The following PCDH15 variants were observed in gnomAD, a reference collection of about 807,000 sequenced individuals.
PCDH15 encodes the protein protocadherin-15.
In PCDH15, 129 loss-of-function variants were observed where a neutral mutation model predicts 178.5. The observed-to-expected ratio is 0.72, with a 90% CI of 0.63 to 0.84. The LOEUF is 0.84. Among genes scored for constraint, PCDH15 ranks in the 40% least tolerant of loss-of-function variants. The pLI is 0.00. For missense variants in PCDH15, 2,230 were observed against 2,099.9 expected (o/e 1.06, Z -1.21); for synonymous variants, 800 against 732.0 (o/e 1.09, Z -1.50).
chr10:54,727,908 G>A (rs574113600), intron 1 of PCDH15, among the ~76,000 whole-genome samples: 1 of 151,366 alleles, frequency 6.6e-6, no homozygotes, highest in Admixed American at 6.6e-5. Flanking sequence ...CCTGAATACA[G>A]CATTAATGAG....
intron 1 of PCDH15, among the ~76,000 whole-genome samples, chr10:55,277,857 C>A (rs1263365136): frequency 6.6e-6 from 1 of 151,992 alleles, no homozygotes; most frequent in Non-Finnish European, 1.5e-5. Flanking sequence ...GGACAAATTA[C>A]CACATTTTAA....
At position 54,979,668 on chromosome 10, in the gene PCDH15, C is replaced by CAA. The variant is rs57794335; in HGVS notation, c.-79-82170_-79-82169dup. Among the ~76,000 whole-genome samples, 131 of 108,492 alleles carry CAA rather than the reference C, an allele frequency of 1.2e-3. 1 individual carries two copies. Among genetic ancestry groups the CAA allele is most frequent in the South Asian group, 4.2e-3 (15 of 3,556 alleles). 71.2% of individuals were successfully genotyped at this position (108,492 alleles called of 152,430 possible). A position where few individuals can be genotyped will look rare whatever the true frequency, so the allele number is the denominator to read the frequency against. ...TGGGTGACAGAGTGAGACTGTGTCTCAAAAAAAAAAAAAAAAAACCAGAAT... is the reference window on the plus strand; with the variant it reads ...TGGGTGACAGAGTGAGACTGTGTCTCAAAAAAAAAAAAAAAAAAAACCAGAAT... On this transcript the variant is annotated intron_variant, in intron 2 of 5. Transcript: ENST00000458638.
chr10:53,950,295 T>TTA (rs1218118086), intron 23 of PCDH15, among the ~76,000 whole-genome samples: 1 of 152,126 alleles, frequency 6.6e-6, no homozygotes, highest in East Asian at 1.9e-4. Flanking sequence ...CCTTATTTTA[T>TTA]TATATATATA....
intron 1 of PCDH15, among the ~76,000 whole-genome samples, chr10:54,795,753 C>T (rs950788103): frequency 2.6e-5 from 4 of 151,840 alleles, no homozygotes; most frequent in Admixed American, 1.3e-4. Flanking sequence ...TATTAAATTA[C>T]TCACTATATT....
intron 8 of PCDH15, among the ~76,000 whole-genome samples, chr10:54,247,612 G>A (rs1368454148): frequency 6.6e-6 from 1 of 151,872 alleles, no homozygotes; most frequent in Non-Finnish European, 1.5e-5. Context: ...TACACATATA[G>A]GGGCTCACAG....
At chr10:54,344,249 T>C (rs1942815882) in intron 6 of PCDH15, among the ~76,000 whole-genome samples, 2 of 152,296 alleles carry the variant, frequency 1.3e-5, no homozygotes, top group South Asian at 2.1e-4. Flanking sequence ...CTAAAACATA[T>C]ATTATTTATT....
intron 3 of PCDH15, among the ~76,000 whole-genome samples, chr10:54,387,735 A>G (rs555020222): frequency 6.6e-6 from 1 of 152,284 alleles, no homozygotes; most frequent in South Asian, 2.1e-4. Flanking sequence ...TCCCTGCTAT[A>G]TAAACCCCTA....
chr10:54,389,824 C>T (rs569685404), intron 3 of PCDH15, among the ~76,000 whole-genome samples: 38 of 150,584 alleles, frequency 2.5e-4, no homozygotes, highest in Middle Eastern at 7.0e-3. Context: ...TGGTGGTGGG[C>T]GCCTGTAATC....
At chr10:55,035,290 T>C (rs1840707659) in intron 2 of PCDH15, among the ~76,000 whole-genome samples, 2 of 152,176 alleles carry the variant, frequency 1.3e-5, no homozygotes, top group Non-Finnish European at 2.9e-5. Flanking sequence ...CATTCTCTGC[T>C]TGAAGGATAA....
At chr10:54,043,289 C>A (rs576712903) in intron 18 of PCDH15, among the ~76,000 whole-genome samples, 18 of 152,224 alleles carry the variant, frequency 1.2e-4, no homozygotes, top group Admixed American at 3.9e-4. Flanking sequence ...CAATGACCTC[C>A]ATTAGCACGT....
At chr10:54,617,659 C>T (rs1016427346) in intron 2 of PCDH15, among the ~76,000 whole-genome samples, 6 of 149,694 alleles carry the variant, frequency 4.0e-5, no homozygotes, top group Admixed American at 1.4e-4. Context: ...AGGCCAGGCA[C>T]GGTGGCTCAT....
At position 54,851,376 on chromosome 10, in the gene PCDH15, T is replaced by G. The variant is rs375318385; in HGVS notation, c.-29+46074A>C. ...AATAAATATTATAGTAAATTTTGAC[T>G]ACTAATTACTATAAATTATTAATAA... On this transcript the variant is annotated intron_variant, in intron 3 of 5. Coordinates refer to the PCDH15 transcript ENST00000458638. Among the ~76,000 whole-genome samples the G allele has an allele frequency of 2.1e-3, 321 of 152,270 alleles. 13 individuals are homozygous for G. In the South Asian group the frequency reaches 0.064, roughly 30 times the overall value.
chr10:54,861,284 T>A (rs1301264921), intron 3 of PCDH15, among the ~76,000 whole-genome samples: 1 of 151,972 alleles, frequency 6.6e-6, no homozygotes, highest in Admixed American at 6.6e-5. Context: ...ATGATAAAAG[T>A]AACATTACAT....
intron 3 of PCDH15, among the ~76,000 whole-genome samples, chr10:54,525,804 T>G (rs2083308635): frequency 6.6e-6 from 1 of 152,130 alleles, no homozygotes; most frequent in African/African-American, 2.4e-5. Flanking sequence ...TAAAGAAAAA[T>G]ATAAAAACAT....
chr10:55,607,516 A>G (rs2132154902), intron 2 of PCDH15, among the ~76,000 whole-genome samples: 1 of 136,494 alleles, frequency 7.3e-6, no homozygotes, highest in African/African-American at 2.8e-5. Context: ...CAACAATGAT[A>G]GACTGGATTA....
intron 2 of PCDH15, among the ~76,000 whole-genome samples, chr10:55,380,680 G>A (rs1186719009): frequency 1.3e-5 from 2 of 152,054 alleles, no homozygotes; most frequent in African/African-American, 4.8e-5. Context: ...CATTGGCCAC[G>A]CAGGACTTGG....
chr10:55,567,819 C>G (rs569667631), intron 2 of PCDH15, among the ~76,000 whole-genome samples: 1 of 151,552 alleles, frequency 6.6e-6, no homozygotes, highest in East Asian at 1.9e-4. Context: ...CTTGTTACAC[C>G]GTTGGCACAT....
At chr10:55,358,998 C>A (rs1340044129) in intron 2 of PCDH15, among the ~76,000 whole-genome samples, 1 of 151,986 alleles carries the variant, frequency 6.6e-6, no homozygotes, top group African/African-American at 2.4e-5. Context: ...TCAAGACCAG[C>A]CTGAGCAACA....
intron 8 of PCDH15, among the ~76,000 whole-genome samples, chr10:54,295,988 A>G (rs978555992): frequency 1.3e-5 from 2 of 150,674 alleles, no homozygotes; most frequent in Non-Finnish European, 2.9e-5. Flanking sequence ...ACTAAAAAAT[A>G]CAAAAAATTA....
Sources: allele counts gnomAD v4.1 joint callset (sites outside exome capture counted in the v4.1 genomes callset), GRCh38; gene constraint gnomAD v4.1.1; transcripts MANE v1.5; gene names NCBI Gene and HGNC (gene_info 2026-07-23, HGNC 2026-07-21).